CDH1: variants seen among roughly 807,000 people sequenced by gnomAD.
CDH1 encodes cadherin 1.
CDH1 carries 35 observed loss-of-function variants against 84.5 expected under a neutral mutation model. The ratio of observed to expected loss-of-function variants is 0.41; its 90% CI spans 0.32 to 0.55. The LOEUF (loss-of-function observed/expected upper bound fraction) is 0.55. Among genes scored for constraint, CDH1 ranks in the 20% least tolerant of loss-of-function variants. CDH1 has a pLI of 0.19. For synonymous variants in CDH1, 417 were observed against 439.0 expected, an observed-to-expected ratio of 0.95 and a Z score of 0.63; for missense variants, 994 against 1,126.6, an observed-to-expected ratio of 0.88 and a Z score of 1.68.
At chr16:68,802,484 C>CT (rs200930381) in intron 3 of CDH1, among the ~76,000 whole-genome samples, 1,912 of 149,306 alleles carry the variant, frequency 0.013, 53 homozygotes, top group African/African-American at 0.044. Context: ...CTCTCTCTCT[C>CT]TTTTTTTTTT....
Position 68,812,159 on chromosome 16 carries a change from G to A in CDH1, c.1033G>A (p.Val345Ile), listed in dbSNP as rs764532067. The change falls in exon 8 of 16, where the codon GTT becomes ATT. Residue 345 changes from valine to isoleucine, a missense_variant. Around this residue, in one of 3 missense-constraint regions of CDH1, gnomAD observed 769 missense variants for 881.8 expected, o/e 0.87. Coordinates refer to ENST00000261769, the MANE Select transcript of CDH1 (RefSeq NM_004360.5). ...GAGTTTCCCTACGTATACCCTGGTG[G>A]TTCAAGCTGCTGACCTTCAAGGTGA... Reference protein sequence around the residue: ...RESFPTYTLVVQAADLQGEGL... With the variant: ...RESFPTYTLVIQAADLQGEGL... 2.5e-6 allele frequency: 4 copies of A among 1,614,204 alleles called. No homozygotes were observed. The South Asian group carries it at 4.4e-5, about 18-fold the overall frequency.
intron 2 of CDH1, among the ~76,000 whole-genome samples, chr16:68,783,397 AAAAAAAAGAAAAAAG>A (rs1416331108): frequency 1.5e-5 from 2 of 137,172 alleles, no homozygotes; most frequent in South Asian, 4.6e-4. Context: ...TCAAAAAAAA[AAAAAAAAGAAAAAAG>A]AAAAAAAGAA....
At position 68,810,208 on chromosome 16, in the gene CDH1, C is replaced by T. The variant is rs115494727; in HGVS notation, c.699C>T (p.His233=). 135 of 1,614,038 alleles carry T rather than the reference C, an allele frequency of 8.4e-5. 1 individual carries two copies. Among genetic ancestry groups the T allele is most frequent in the Non-Finnish European group, 1.0e-4 (122 of 1,180,034 alleles). The stretch of plus-strand genomic sequence containing the variant: ...CTTGGTTCTTTCAGCTCTTCTCTCA[C>T]GCTGTGTCATCCAACGGGAATGCAG... ...ERIATYTLFS[H]AVSSNGNAVE... is the part of the protein sequence containing the mutation. The change falls in exon 6 of 16, where the codon CAC becomes CAT. Residue 233 remains histidine, a synonymous_variant. Transcript: ENST00000261769.
Position 68,774,406 on chromosome 16 carries a change from G to C in CDH1, c.164-27264G>C, listed in dbSNP as rs1252003712. On this transcript the variant is annotated intron_variant, in intron 2 of 15. Coordinates refer to ENST00000261769, the MANE Select transcript of CDH1 (RefSeq NM_004360.5). ...GTGGCGGTGGGTGCCTTTAATCCCA[G>C]CTGCTCAGGAGGCCAAGATAGGATA... is the stretch of plus-strand genomic sequence containing the variant. 3.9e-5 allele frequency among the ~76,000 whole-genome samples: 6 copies of C among 152,112 alleles called. No individual in the cohort carries two copies. The South Asian group carries it at 1.2e-3, about 32-fold the overall frequency.
intron 1 of CDH1, 37 bp from the exon 2 acceptor site, chr16:68,738,260 G>C (rs1475029970): frequency 7.3e-7 from 1 of 1,361,328 alleles, no homozygotes; most frequent in Admixed American, 2.0e-5. Flanking sequence ...GGAACCCTCC[G>C]AGTCACCCGG....
chr16:68,812,053 CTGGT>C, intron 7 of CDH1, 78 bp from the exon 8 acceptor site: 1 of 1,593,252 alleles, frequency 6.3e-7, no homozygotes, highest in Non-Finnish European at 8.6e-7. Flanking sequence ...GTTAAATATT[CTGGT>C]TCCATGTGTT....
chr16:68,782,832 ACCAGCT>A (rs1959922214), intron 2 of CDH1, among the ~76,000 whole-genome samples: 1 of 152,062 alleles, frequency 6.6e-6, no homozygotes. Context: ...CCGTCCCTGG[ACCAGCT>A]CCATGGGTCA....
chr16:68,827,088 T>C (rs983252533), intron 13 of CDH1, among the ~76,000 whole-genome samples: 3 of 151,916 alleles, frequency 2.0e-5, no homozygotes, highest in African/African-American at 7.3e-5. Flanking sequence ...CTGGGCAACA[T>C]AGTGAAACCC....
In CDH1 at chr16:68,809,013, GT is replaced by G; in HGVS notation, c.687+168del. 3 of 664,524 alleles carry G rather than the reference GT, an allele frequency of 4.5e-6. 1 individual carries two copies. The highest frequency in any genetic ancestry group is 7.9e-6 in the Non-Finnish European group (3 of 381,682). The allele number at this position is 664,524 out of a possible 1,614,324, so 41.2% of individuals were successfully genotyped here. ...AGAAGTGATGGGAGAACGTGGGACA[GT>G]TTGGGGTTGTTAATTTTTCTCCTTG... is the stretch of plus-strand genomic sequence containing the variant. On this transcript the variant is annotated intron_variant, in intron 5 of 15. Transcript: ENST00000261769.
intron 2 of CDH1, among the ~76,000 whole-genome samples, chr16:68,796,410 T>C (rs922126066): frequency 6.6e-6 from 1 of 152,140 alleles, no homozygotes; most frequent in Admixed American, 6.5e-5. Flanking sequence ...GAAAATAATA[T>C]AGAAGCTTTT....
intron 2 of CDH1, among the ~76,000 whole-genome samples, chr16:68,762,952 C>T (rs1490759073): frequency 6.9e-6 from 1 of 145,118 alleles, no homozygotes; most frequent in Non-Finnish European, 1.5e-5. Flanking sequence ...AAGCCCCAAA[C>T]CAGCTGAGCT....
At chr16:68,787,819 C>T (rs188954372) in intron 2 of CDH1, among the ~76,000 whole-genome samples, 5 of 104,930 alleles carry the variant, frequency 4.8e-5, no homozygotes, top group Admixed American at 1.9e-4. Context: ...CCACCACGCC[C>T]GGCTAATTTT....
intron 2 of CDH1, among the ~76,000 whole-genome samples, chr16:68,756,798 G>T (rs868503564): frequency 2.6e-5 from 4 of 152,136 alleles, no homozygotes; most frequent in African/African-American, 7.2e-5. Flanking sequence ...GAGCCCAGAA[G>T]TTGGAGACCA....
chr16:68,816,263 C>T (rs1349689818), intron 10 of CDH1, among the ~76,000 whole-genome samples: 2 of 152,206 alleles, frequency 1.3e-5, no homozygotes, highest in African/African-American at 4.8e-5. Context: ...AGTGATCTGC[C>T]TGCCTCCTAA....
chr16:68,833,026 C>A (rs954882870), intron 15 of CDH1, among the ~76,000 whole-genome samples: 4 of 152,172 alleles, frequency 2.6e-5, no homozygotes, highest in Non-Finnish European at 5.9e-5. Context: ...TATGGGGACT[C>A]CATCCTGACT....
chr16:68,746,973 A>G (rs1260010497), intron 2 of CDH1, among the ~76,000 whole-genome samples: 1 of 152,078 alleles, frequency 6.6e-6, no homozygotes, highest in East Asian at 1.9e-4. Context: ...CAAACACACC[A>G]AAGTGGGGTG....
chr16:68,794,914 G>A (rs936570340), intron 2 of CDH1, among the ~76,000 whole-genome samples: 9 of 150,974 alleles, frequency 6.0e-5, no homozygotes, highest in African/African-American at 9.8e-5. Flanking sequence ...GGATGGTCTC[G>A]ATCTCCTGAC....
rs1487710400 is a variant in CDH1 at position 68,834,381 on chromosome 16, C to T, written c.*882C>T. ...GGGCTCAAGCAGTTCTCCCACCAGC[C>T]TCCTTTTTATTTTTTTGTACAGATG... On this transcript the variant is annotated 3_prime_UTR_variant, in exon 16 of 16. Coordinates refer to ENST00000261769, the MANE Select transcript of CDH1 (RefSeq NM_004360.5). 5 of 423,934 alleles carry T rather than the reference C, an allele frequency of 1.2e-5. No homozygotes were observed. Among genetic ancestry groups the T allele is most frequent in the Non-Finnish European group, 1.8e-5 (4 of 217,606 alleles). 26.3% of individuals were successfully genotyped at this position (423,934 alleles called of 1,614,324 possible). A position where few individuals can be genotyped will look rare whatever the true frequency, so the allele number is the denominator to read the frequency against.
chr16:68,783,330 A>AAG (rs1555513150), intron 2 of CDH1, among the ~76,000 whole-genome samples: 35 of 151,038 alleles, frequency 2.3e-4, no homozygotes, highest in Non-Finnish European at 2.8e-4. Context: ...CCAGGAGGTG[A>AAG]AGGTTGCAGT....
Sources: gnomAD v4.1 joint callset for allele counts (sites outside exome capture counted in the v4.1 genomes callset) on GRCh38, gnomAD v4.1.1 for gene constraint, gnomAD v4.1.1 regional missense constraint, MANE v1.5 for transcripts, NCBI Gene and HGNC (gene_info 2026-07-23, HGNC 2026-07-21) for gene names.